CYTIP: variants seen among roughly 807,000 people sequenced by gnomAD.
CYTIP encodes the protein cytohesin-interacting protein.
Under a neutral mutation model 43.8 loss-of-function variants are expected in CYTIP, and 26 were observed. That is an observed-to-expected ratio of 0.59 (90% CI 0.44 to 0.82). The LOEUF (loss-of-function observed/expected upper bound fraction) is 0.82, where lower values mean the gene tolerates loss of function less well. Ranked by LOEUF, CYTIP falls within the 40% of genes least tolerant of loss-of-function variation. The pLI is 0.00. For synonymous variants in CYTIP, 162 were observed against 162.9 expected (o/e 0.99, Z 0.04); for missense variants, 426 against 443.1 (o/e 0.96, Z 0.35).
chr2:157,430,585 C>A lies in CYTIP; in HGVS notation c.450G>T (p.Leu150=), dbSNP rs1685697018. ...EGFTYKQVVD[L]IRSSGNLLTI... ...TTAGCAGGTTTCCGGACGATCTGATCAGGTCAACGACTTGTTTGTAGGTAA... is the reference window on the plus strand; with the variant it reads ...TTAGCAGGTTTCCGGACGATCTGATAAGGTCAACGACTTGTTTGTAGGTAA... Residue 150 remains leucine (L), a synonymous_variant, in exon 5 of 8, where the codon CTG becomes CTT. Transcript: ENST00000264192. The A allele has an allele frequency of 6.2e-7, 1 of 1,614,080 alleles. No individual in the cohort carries two copies. Among genetic ancestry groups the A allele is most frequent in the African/African-American group, 1.3e-5 (1 of 74,938 alleles).
At chr2:157,427,523 T>A in intron 5 of CYTIP, 103 bp from the exon 6 acceptor site, 2 of 751,438 alleles carry the variant, frequency 2.7e-6, no homozygotes, top group Non-Finnish European at 3.9e-6. Context: ...TTTGAGCACA[T>A]ACTATACTAA....
intron 5 of CYTIP, among the ~76,000 whole-genome samples, chr2:157,428,030 A>T (rs938952630): frequency 2.6e-5 from 4 of 152,242 alleles, no homozygotes; most frequent in Admixed American, 2.6e-4. Flanking sequence ...ATGATTCTTT[A>T]TCTCAAAACA....
At chr2:157,418,380 A>G in intron 7 of CYTIP, 143 bp downstream of exon 7, 1 of 707,810 alleles carries the variant, frequency 1.4e-6, no homozygotes, top group South Asian at 2.6e-5. Context: ...TCCAAAGCTC[A>G]TGCCAAAGAA....
At chr2:157,438,360 A>C (rs1219468513) in intron 1 of CYTIP, among the ~76,000 whole-genome samples, 1 of 152,218 alleles carries the variant, frequency 6.6e-6, no homozygotes, top group African/African-American at 2.4e-5. Flanking sequence ...AACAGAGGAT[A>C]CTAGAGGCTG....
intron 7 of CYTIP, among the ~76,000 whole-genome samples, chr2:157,418,104 CAA>C (rs1477888414): frequency 6.6e-6 from 1 of 152,178 alleles, no homozygotes; most frequent in Non-Finnish European, 1.5e-5. Flanking sequence ...GCAATTTAAA[CAA>C]AAGACAGGAG....
At chr2:157,433,715 T>C (rs1027156900) in intron 3 of CYTIP, among the ~76,000 whole-genome samples, 1 of 152,196 alleles carries the variant, frequency 6.6e-6, no homozygotes, top group Non-Finnish European at 1.5e-5. Context: ...TAATAAGCAA[T>C]GAAATTCTTA....
intron 1 of CYTIP, among the ~76,000 whole-genome samples, chr2:157,435,538 C>T (rs1685796747): frequency 1.3e-5 from 2 of 152,170 alleles, no homozygotes; most frequent in South Asian, 4.1e-4. Context: ...TTTCAGGACA[C>T]ATTCTACCAC....
intron 5 of CYTIP, 100 bp from the exon 6 acceptor site, chr2:157,427,520 A>G (rs1321174125): frequency 1.3e-6 from 1 of 759,960 alleles, no homozygotes; most frequent in African/African-American, 1.8e-5. Flanking sequence ...CACTTTGAGC[A>G]CATACTATAC....
rs888225646 is a variant in CYTIP at position 157,417,706 on chromosome 2, A to C, written c.613+817T>G. ...TCAAACACTTCAATTTAAAAAAAAA[A>C]AAACAGAAGTTCATACCAGAACTCT... On this transcript the variant is annotated intron_variant, in intron 7 of 7. Coordinates refer to ENST00000264192, the MANE Select transcript of CYTIP (RefSeq NM_004288.5). 1.3e-5 allele frequency among the ~76,000 whole-genome samples: 2 copies of C among 152,194 alleles called. 1 individual carries two copies. Among genetic ancestry groups the C allele is most frequent in the Non-Finnish European group, 2.9e-5 (2 of 68,028 alleles).
intron 3 of CYTIP, among the ~76,000 whole-genome samples, chr2:157,433,681 T>C (rs1023791642): frequency 6.6e-6 from 1 of 152,168 alleles, no homozygotes; most frequent in Non-Finnish European, 1.5e-5. Flanking sequence ...ATTTTACAAA[T>C]GTGCTCATGA....
chr2:157,419,877 G>A (rs561945138), intron 6 of CYTIP, among the ~76,000 whole-genome samples: 57 of 152,334 alleles, frequency 3.7e-4, no homozygotes, highest in African/African-American at 1.3e-3. Context: ...AGTCTTCAAA[G>A]ATTGAACAAT....
At chr2:157,416,636 A>T (rs1403236929) in intron 7 of CYTIP, among the ~76,000 whole-genome samples, 1 of 152,218 alleles carries the variant, frequency 6.6e-6, no homozygotes, top group Non-Finnish European at 1.5e-5. Context: ...TTATAAAACC[A>T]TTTGAAGTAA....
chr2:157,425,526 G>A (rs1157897307), intron 6 of CYTIP, among the ~76,000 whole-genome samples: 5 of 152,150 alleles, frequency 3.3e-5, no homozygotes, highest in African/African-American at 1.2e-4. Flanking sequence ...TGCTCATGAT[G>A]TTCTGGAAGA....
chr2:157,420,205 G>A (rs778382229), intron 6 of CYTIP, among the ~76,000 whole-genome samples: 1 of 152,100 alleles, frequency 6.6e-6, no homozygotes, highest in Non-Finnish European at 1.5e-5. Flanking sequence ...GGGTATGGTG[G>A]TGCACACCAG....
intron 6 of CYTIP, among the ~76,000 whole-genome samples, chr2:157,419,867 A>G (rs540035030): frequency 6.6e-6 from 1 of 152,380 alleles, no homozygotes; most frequent in African/African-American, 2.4e-5. Flanking sequence ...CTTGTTCCTC[A>G]GTCTTCAAAG....
At chr2:157,440,055 C>G (rs927809342) in intron 1 of CYTIP, among the ~76,000 whole-genome samples, 2 of 152,174 alleles carry the variant, frequency 1.3e-5, no homozygotes, top group African/African-American at 4.8e-5. Context: ...GGTCCCCACT[C>G]TATATACTCA....
At chr2:157,425,835 A>C (rs1472284448) in intron 6 of CYTIP, among the ~76,000 whole-genome samples, 4 of 152,154 alleles carry the variant, frequency 2.6e-5, no homozygotes, top group Admixed American at 2.6e-4. Flanking sequence ...CCCCTCATAA[A>C]AATGTAGCAA....
At chr2:157,424,853 C>T (rs938102454) in intron 6 of CYTIP, among the ~76,000 whole-genome samples, 28 of 152,008 alleles carry the variant, frequency 1.8e-4, no homozygotes, top group African/African-American at 5.8e-4. Flanking sequence ...AATTGACCCA[C>T]GGATCATATT....
chr2:157,416,933 G>T (rs1685447089), intron 7 of CYTIP, among the ~76,000 whole-genome samples: 2 of 151,768 alleles, frequency 1.3e-5, no homozygotes, highest in Non-Finnish European at 2.9e-5. Flanking sequence ...GACCCTCCCT[G>T]CTTCCACACT....
Sources: gnomAD v4.1 joint callset for allele counts (sites outside exome capture counted in the v4.1 genomes callset) on GRCh38, gnomAD v4.1.1 for gene constraint, MANE v1.5 for transcripts, NCBI Gene and HGNC (gene_info 2026-07-23, HGNC 2026-07-21) for gene names.